SLMAP: variants seen among roughly 807,000 people sequenced by gnomAD.
SLMAP encodes the protein sarcolemmal membrane-associated protein.
Under a neutral mutation model 128.8 loss-of-function variants are expected in SLMAP, and 44 were observed. That is an observed-to-expected ratio of 0.34 (90% confidence interval 0.27 to 0.44). The LOEUF is 0.44. Among genes scored for constraint, SLMAP ranks in the 20% least tolerant of loss-of-function variants. SLMAP has a pLI of 1.00. For missense variants in SLMAP, 787 were observed against 985.3 expected, an observed-to-expected ratio of 0.80 and a Z score of 2.69; for synonymous variants, 327 against 348.8, an observed-to-expected ratio of 0.94 and a Z score of 0.70.
chr3:57,834,462 T>C (rs758564473), intron 3 of SLMAP, among the ~76,000 whole-genome samples: 53 of 152,272 alleles, frequency 3.5e-4, no homozygotes, highest in Non-Finnish European at 2.6e-4. Flanking sequence ...GAGAATCTTA[T>C]ATGGCTATCT....
chr3:57,796,622 T>A (rs2086796311), intron 2 of SLMAP, among the ~76,000 whole-genome samples: 1 of 152,238 alleles, frequency 6.6e-6, no homozygotes, highest in South Asian at 2.1e-4. Flanking sequence ...ACCCTTTAAG[T>A]CACAGTAATG....
At chr3:57,819,936 A>C (rs1278233534) in intron 2 of SLMAP, among the ~76,000 whole-genome samples, 1 of 151,718 alleles carries the variant, frequency 6.6e-6, no homozygotes, top group Non-Finnish European at 1.5e-5. Context: ...ATTTTTTGTA[A>C]AGACAAGGTC....
chr3:57,909,296 A>G (rs2096637290), intron 19 of SLMAP, 146 bp downstream of exon 19: 3 of 584,594 alleles, frequency 5.1e-6, no homozygotes, highest in Non-Finnish European at 9.1e-6. Context: ...GAGGTCAGGA[A>G]TTCGAGAGCA....
chr3:57,856,221 C>T (rs1199648521), intron 6 of SLMAP, among the ~76,000 whole-genome samples: 1 of 151,742 alleles, frequency 6.6e-6, no homozygotes. Flanking sequence ...AGACTCTTGT[C>T]TCAAAAAAAG....
At chr3:57,805,622 ACT>A (rs972600514) in intron 2 of SLMAP, among the ~76,000 whole-genome samples, 4 of 152,028 alleles carry the variant, frequency 2.6e-5, no homozygotes, top group African/African-American at 9.7e-5. Context: ...TTAGTCTGGT[ACT>A]CTTCAAGGTA....
chr3:57,791,103 C>A (rs1301037290), intron 2 of SLMAP, among the ~76,000 whole-genome samples: 1 of 152,130 alleles, frequency 6.6e-6, no homozygotes, highest in African/African-American at 2.4e-5. Flanking sequence ...CGCTTGTAAT[C>A]CCAGCAGTTT....
chr3:57,896,125 A>T, intron 15 of SLMAP: 4 of 510,340 alleles, frequency 7.8e-6, no homozygotes, highest in Non-Finnish European at 1.0e-5. Flanking sequence ...TAGTGTTTTT[A>T]TGTAACAGAG....
chr3:57,826,396 A>G (rs1043120863), intron 2 of SLMAP, among the ~76,000 whole-genome samples: 1 of 152,020 alleles, frequency 6.6e-6, no homozygotes, highest in Non-Finnish European at 1.5e-5. Context: ...ACCTTGATAC[A>G]TTTCTGTTGC....
chr3:57,913,302 A>T (rs981393320), intron 21 of SLMAP, 27 bp downstream of exon 21: 5 of 945,120 alleles, frequency 5.3e-6, no homozygotes, highest in East Asian at 5.0e-5. Context: ...TGTTTTTCAG[A>T]TATAAAATAT....
At chr3:57,858,847 CAGG>C (rs1265661994) in intron 8 of SLMAP, among the ~76,000 whole-genome samples, 1 of 152,168 alleles carries the variant, frequency 6.6e-6, no homozygotes, top group African/African-American at 2.4e-5. Flanking sequence ...AAGGCTGAGA[CAGG>C]AGAATCCCTT....
intron 2 of SLMAP, among the ~76,000 whole-genome samples, chr3:57,761,088 T>C (rs540971069): frequency 8.4e-4 from 127 of 151,458 alleles, no homozygotes; most frequent in South Asian, 8.2e-3. Flanking sequence ...GTTTTGAGAA[T>C]TGAGGTAATT....
Position 57,847,225 on chromosome 3 carries a change from G to C in SLMAP, c.448G>C (p.Val150Leu). 6.2e-7 allele frequency: 1 copy of C among 1,609,212 alleles called. No homozygotes were observed. Among genetic ancestry groups the C allele is most frequent in the South Asian group, 1.1e-5 (1 of 90,304 alleles). The change falls in exon 5 of 25, where the codon GTT (valine) becomes CTT (leucine). Residue 150 changes from valine (V) to leucine (L), a missense_variant. Transcript: ENST00000671191. ...CATCCATGCACCATTACCAAGTCCT[G>C]TTGACAAAGTAAGTTGCTAATGATT... is the stretch of plus-strand genomic sequence containing the variant. ...DVIHAPLPSP[V>L]DKVAANTPSM...
intron 14 of SLMAP, among the ~76,000 whole-genome samples, chr3:57,879,369 A>G (rs1403085041): frequency 6.6e-6 from 1 of 152,060 alleles, no homozygotes; most frequent in Non-Finnish European, 1.5e-5. Context: ...TCTCAGTTCT[A>G]CTCCTTGGTA....
chr3:57,801,464 AC>A (rs1193640594), intron 2 of SLMAP: 1 of 152,578 alleles, frequency 6.6e-6, no homozygotes, highest in African/African-American at 2.4e-5. Flanking sequence ...AGCCCACCAC[AC>A]AGGGTGAGAT....
At chr3:57,858,240 T>C (rs1577823275) in intron 8 of SLMAP, 81 bp downstream of exon 8, 1 of 838,268 alleles carries the variant, frequency 1.2e-6, no homozygotes, top group East Asian at 2.4e-5. Context: ...ATTTTGAGTA[T>C]ATGCTAAAAA....
chr3:57,905,486 G>A (rs904424075), intron 17 of SLMAP, among the ~76,000 whole-genome samples: 7 of 152,042 alleles, frequency 4.6e-5, no homozygotes, highest in African/African-American at 1.7e-4. Context: ...TTACCATGTT[G>A]CCTAGGTGGG....
chr3:57,824,514 A>T (rs948216558), intron 2 of SLMAP, among the ~76,000 whole-genome samples: 4 of 152,058 alleles, frequency 2.6e-5, no homozygotes, highest in Admixed American at 1.3e-4. Flanking sequence ...TATTGAAGAG[A>T]TGATTCTTTC....
intron 2 of SLMAP, among the ~76,000 whole-genome samples, chr3:57,796,359 G>A (rs1301061874): frequency 6.6e-6 from 1 of 152,202 alleles, no homozygotes; most frequent in Non-Finnish European, 1.5e-5. Context: ...TTGAAAGAGT[G>A]TGGAATTAGG....
intron 20 of SLMAP, 103 bp downstream of exon 20, chr3:57,912,804 A>G (rs1019819943): frequency 1.2e-6 from 1 of 831,488 alleles, no homozygotes. Context: ...TTTGTTAGCT[A>G]TCAGTTGTAT....
Sources: gnomAD v4.1 joint callset for allele counts (sites outside exome capture counted in the v4.1 genomes callset) on GRCh38, gnomAD v4.1.1 for gene constraint, MANE v1.5 for transcripts, NCBI Gene and HGNC (gene_info 2026-07-23, HGNC 2026-07-21) for gene names.